Variants in BSG observed in about 807,000 individuals in gnomAD.
BSG encodes basigin (Ok blood group), also known as basigin.
In BSG, 37 loss-of-function variants were observed where a neutral mutation model predicts 43.1. That is an observed-to-expected ratio of 0.86 (90% CI 0.66 to 1.13). The LOEUF (loss-of-function observed/expected upper bound fraction) is 1.13, where lower values mean the gene tolerates loss of function less well. Ranked by LOEUF, BSG falls within the 50% of genes most tolerant of loss-of-function variation. BSG has a pLI of 0.00. For synonymous variants in BSG, 309 were observed against 238.7 expected (o/e 1.29, Z -2.72); for missense variants, 599 against 554.2 (o/e 1.08, Z -0.81).
Position 580,934 on chromosome 19 carries a change from T to C in BSG, c.792+152T>C, listed in dbSNP as rs1308684990. Reference sequence around the variant, plus strand: ...AGCCCTCAGGACTGGGTGAGGGGCCTAGACTGGGGGTCCCGGACCCAGCCC... The same window carrying C: ...AGCCCTCAGGACTGGGTGAGGGGCCCAGACTGGGGGTCCCGGACCCAGCCC... On this transcript the variant is annotated intron_variant, in intron 5 of 8. Transcript: ENST00000333511. 7.9e-6 allele frequency: 4 copies of C among 505,246 alleles called. No individual in the cohort carries two copies. The Admixed American group carries it at 1.4e-4, about 18-fold the overall frequency. 31.3% of individuals were successfully genotyped at this position (505,246 alleles called of 1,614,324 possible).
At position 581,204 on chromosome 19, in the gene BSG, C is replaced by T. The variant is rs1042657545; in HGVS notation, c.793-111C>T. On this transcript the variant is annotated intron_variant, in intron 5 of 8. Coordinates refer to ENST00000333511, the MANE Select transcript of BSG (RefSeq NM_001728.4). ...TAGACTGGGGGTCCCGGACTCAGCCCTCCGGACTGGGTGAGGGGCCTAGAC... is the reference window on the plus strand; with the variant it reads ...TAGACTGGGGGTCCCGGACTCAGCCTTCCGGACTGGGTGAGGGGCCTAGAC... 5.1e-5 allele frequency: 42 copies of T among 825,900 alleles called. 3 individuals carry two copies. Among genetic ancestry groups the T allele is most frequent in the African/African-American group, 8.7e-5 (3 of 34,420 alleles). The allele number at this position is 825,900 out of a possible 1,614,324, so 51.2% of individuals were successfully genotyped here.
At chr19:574,349 C>G (rs758399438) in intron 1 of BSG, among the ~76,000 whole-genome samples, 1 of 151,706 alleles carries the variant, frequency 6.6e-6, no homozygotes, top group African/African-American at 2.4e-5. Flanking sequence ...GTCAAGAGAT[C>G]AAGACCATCG....
intron 1 of BSG, 40 bp from the exon 2 acceptor site, chr19:577,734 C>T: frequency 7.5e-7 from 1 of 1,342,172 alleles, no homozygotes; most frequent in Non-Finnish European, 9.6e-7. Context: ...TCCCAAGTGC[C>T]CCAGGCACTA....
intron 6 of BSG, among the ~76,000 whole-genome samples, 182 bp from the exon 7 acceptor site, chr19:582,124 G>T (rs1660828789): frequency 6.6e-6 from 1 of 152,190 alleles, no homozygotes; most frequent in African/African-American, 2.4e-5. Flanking sequence ...GGGGAGGGCT[G>T]CCTTTCCCCA....
intron 6 of BSG, among the ~76,000 whole-genome samples, chr19:581,872 C>G (rs1982357536): frequency 6.6e-6 from 1 of 152,282 alleles, no homozygotes; most frequent in Non-Finnish European, 1.5e-5. Flanking sequence ...AGCCAGTGTC[C>G]TCCGTGGTGA....
At chr19:575,099 C>G (rs1439524627) in intron 1 of BSG, 1 of 152,340 alleles carries the variant, frequency 6.6e-6, no homozygotes, top group Non-Finnish European at 1.5e-5. Flanking sequence ...AAAGCTTAGC[C>G]TGGGGCTTAC....
intron 6 of BSG, among the ~76,000 whole-genome samples, chr19:581,813 TCCGCCCCACAGCCTCAC>T (rs1457814609): frequency 1.3e-5 from 2 of 152,216 alleles, no homozygotes. Flanking sequence ...AGGCGGCACC[TCCGCCCCACAGCCTCAC>T]CCGGCCCTTC....
chr19:574,128 G>C (rs1009566461), intron 1 of BSG, among the ~76,000 whole-genome samples: 1 of 151,966 alleles, frequency 6.6e-6, no homozygotes, highest in Non-Finnish European at 1.5e-5. Context: ...GTTGGCGCAC[G>C]CCTGTAATCC....
intron 1 of BSG, among the ~76,000 whole-genome samples, chr19:573,522 C>T (rs190631157): frequency 2.6e-3 from 400 of 152,294 alleles, no homozygotes; most frequent in African/African-American, 9.2e-3. Flanking sequence ...TGCACCTGCC[C>T]CCGGGTGTTC....
chr19:578,363 C>T (rs1158313470), intron 2 of BSG, among the ~76,000 whole-genome samples: 1 of 152,176 alleles, frequency 6.6e-6, no homozygotes, highest in African/African-American at 2.4e-5. Context: ...GGTGGGTCCT[C>T]GTCCTCCCCT....
intron 1 of BSG, among the ~76,000 whole-genome samples, chr19:576,762 AG>A (rs199923378): frequency 1.4e-5 from 2 of 140,916 alleles, no homozygotes; most frequent in African/African-American, 2.7e-5. Flanking sequence ...AAAAAAAAAA[AG>A]AAGAAGAGGA....
rs763348968 is a variant in BSG, at chr19:577,943, C to G, written c.237C>G (p.Val79=). 1 of 1,610,336 alleles carries G rather than the reference C, an allele frequency of 6.2e-7. No homozygotes were observed. Among genetic ancestry groups the G allele is most frequent in the Middle Eastern group, 1.7e-4 (1 of 6,054 alleles). Residue 79 remains valine, a synonymous_variant, in exon 2 of 9, where the codon GTC becomes GTG. Transcript: ENST00000333511. Reference sequence around the variant, plus strand: ...GGGACGGCGCCCGGCTGGACCGCGTCCACATCCACGCCACCTACCACCAGC... The same window carrying G: ...GGGACGGCGCCCGGCTGGACCGCGTGCACATCCACGCCACCTACCACCAGC... ...QLWDGARLDR[V]HIHATYHQHA... is the part of the protein sequence containing the mutation.
chr19:582,745 C>CTCGGGCCACCTGTGG lies in BSG; in HGVS notation c.*6-5_*6-4insTCGGGCCACCTGTGG. On this transcript the variant is annotated splice_polypyrimidine_tract_variant and splice_region_variant and intron_variant, in intron 8 of 8. Transcript: ENST00000333511. ...TCCAGTCTGAGCGCCCCTCCCTGTCCACAGGTGGCCCGAGGACGCTCCCTG... is the reference window on the plus strand; with the variant it reads ...TCCAGTCTGAGCGCCCCTCCCTGTCCTCGGGCCACCTGTGGACAGGTGGCCCGAGGACGCTCCCTG... 1 of 732,686 alleles carries CTCGGGCCACCTGTGG rather than the reference C, an allele frequency of 1.4e-6. No homozygotes were observed. Among genetic ancestry groups the CTCGGGCCACCTGTGG allele is most frequent in the Non-Finnish European group, 2.2e-6 (1 of 444,970 alleles). 45.4% of individuals were successfully genotyped at this position (732,686 alleles called of 1,614,324 possible). A position where few individuals can be genotyped will look rare whatever the true frequency, so the allele number is the denominator to read the frequency against.
rs1982511700 is a variant in BSG, at chr19:583,398, C to G, written c.*654C>G. ...CCGCAGAAGCCTCCCCAGCTCACCC[C>G]TGGAGGACGGCCGGCTCTCTATAGC... On this transcript the variant is annotated 3_prime_UTR_variant, in exon 9 of 9. Coordinates refer to ENST00000333511, the MANE Select transcript of BSG (RefSeq NM_001728.4). 6.6e-6 allele frequency: 1 copy of G among 152,334 alleles called. No individual in the cohort carries two copies. Among genetic ancestry groups the G allele is most frequent in the African/African-American group, 2.4e-5 (1 of 41,460 alleles). The allele number at this position is 152,334 out of a possible 1,614,324, so 9.4% of individuals were successfully genotyped here.
At position 581,416 on chromosome 19, in the gene BSG, G is replaced by C; in HGVS notation, c.894G>C (p.Gln298His). The C allele has an allele frequency of 1.2e-6, 2 of 1,612,782 alleles. No homozygotes were observed. The highest frequency in any genetic ancestry group is 2.7e-5 in the African/African-American group (2 of 75,072). Residue 298 changes from glutamine to histidine, a missense_variant, in exon 6 of 9, where the codon CAG becomes CAC. Transcript: ENST00000333511. ...ENLNMEADPG[Q>H]YRCNGTSSKG... ...TGAACATGGAGGCCGACCCCGGCCA[G>C]TACCGGTGCAACGGCACCAGCTCCA...
chr19:572,330 CAGGA>C (rs1981311749), upstream of BSG: 14 of 987,600 alleles, frequency 1.4e-5, no homozygotes, highest in Non-Finnish European at 1.7e-5. Flanking sequence ...ACTTTGAAAG[CAGGA>C]AGGAAGAAAT....
chr19:574,702 G>T (rs1282998463), intron 1 of BSG, among the ~76,000 whole-genome samples: 1 of 152,234 alleles, frequency 6.6e-6, no homozygotes, highest in African/African-American at 2.4e-5. Flanking sequence ...CAGAGGCTGG[G>T]GAGGGGGCTC....
Position 577,978 on chromosome 19 carries a change from G to A in BSG, c.272G>A (p.Ser91Asn), listed in dbSNP as rs2145894497. 12 of 1,612,180 alleles carry A rather than the reference G, an allele frequency of 7.4e-6. No individual in the cohort carries two copies. The highest frequency in any genetic ancestry group is 9.3e-6 in the Non-Finnish European group (11 of 1,179,672). Residue 91 changes from serine to asparagine, a missense_variant, in exon 2 of 9, where the codon AGC becomes AAC. Transcript: ENST00000333511. ...GCCACCTACCACCAGCACGCGGCCA[G>A]CACCATCTCCATCGACACGCTCGTG... ...IHATYHQHAA[S>N]TISIDTLVEE...
At chr19:571,329 G>A, upstream of BSG, 1 of 594,002 alleles carries the variant, frequency 1.7e-6, no homozygotes, top group Non-Finnish European at 3.0e-6. Context: ...TTCGCGTTCG[G>A]CTTAGTCTGC....
Sources: allele counts gnomAD v4.1 joint callset (sites outside exome capture counted in the v4.1 genomes callset), GRCh38; gene constraint gnomAD v4.1.1; transcripts MANE v1.5; gene names NCBI Gene and HGNC (gene_info 2026-07-23, HGNC 2026-07-21).